Variants in PRRX2 observed in about 807,000 individuals in gnomAD.
PRRX2 encodes the protein paired mesoderm homeobox protein 2.
PRRX2 carries 11 observed loss-of-function variants against 18.0 expected under a neutral mutation model. That is an observed-to-expected ratio of 0.61 (90% CI 0.39 to 1.01). PRRX2 has a LOEUF of 1.01. Among genes scored for constraint, PRRX2 ranks in the 50% least tolerant of loss-of-function variants. PRRX2 has a pLI of 0.01. For synonymous variants in PRRX2, 177 were observed against 154.8 expected, an observed-to-expected ratio of 1.14 and a Z score of -1.06; for missense variants, 387 against 351.0, an observed-to-expected ratio of 1.10 and a Z score of -0.82.
At position 129,720,587 on chromosome 9, in the gene PRRX2, C is replaced by G; in HGVS notation, c.448-9C>G. ...CCATGCTGCACCCTGCTCACCCTCC[C>G]ACCCACAGGTCTGGTTTCAGAACCG... On this transcript the variant is annotated splice_polypyrimidine_tract_variant and intron_variant, in intron 2 of 3. Coordinates refer to ENST00000372469, the MANE Select transcript of PRRX2 (RefSeq NM_016307.4). 6.3e-7 allele frequency: 1 copy of G among 1,597,816 alleles called. No homozygotes were observed. The highest frequency in any genetic ancestry group is 8.5e-7 in the Non-Finnish European group (1 of 1,171,212).
chr9:129,718,388 C>G (rs759902084), intron 1 of PRRX2, among the ~76,000 whole-genome samples: 4 of 152,194 alleles, frequency 2.6e-5, no homozygotes, highest in Non-Finnish European at 5.9e-5. Context: ...CCCACACCTG[C>G]CCTGACCCAC....
chr9:129,683,766 C>T (rs921652788), intron 1 of PRRX2, among the ~76,000 whole-genome samples: 1 of 152,152 alleles, frequency 6.6e-6, no homozygotes, highest in Non-Finnish European at 1.5e-5. Context: ...AAGACACAGG[C>T]AGGTAATTTA....
chr9:129,717,902 T>C (rs1035613014), intron 1 of PRRX2, among the ~76,000 whole-genome samples: 1 of 152,094 alleles, frequency 6.6e-6, no homozygotes, highest in African/African-American at 2.4e-5. Flanking sequence ...CCGGCAGCAT[T>C]AGTTGATTCT....
Position 129,709,878 on chromosome 9 carries a change from G to A in PRRX2, c.260-9353G>A, listed in dbSNP as rs1333949369. ...GAGGGCGGGCTCTGCAGGCTCACCC[G>A]GCCCTTCCCATGCCTCCCCTTCACT... On this transcript the variant is annotated intron_variant, in intron 1 of 3. Coordinates refer to ENST00000372469, the MANE Select transcript of PRRX2 (RefSeq NM_016307.4). This position sits in a 1 kb window ranked among gnomAD's most constrained non-coding sequence, Gnocchi z 4.2. 1.3e-5 allele frequency among the ~76,000 whole-genome samples: 2 copies of A among 151,746 alleles called. No homozygotes were observed. Among genetic ancestry groups the A allele is most frequent in the South Asian group, 2.1e-4 (1 of 4,794 alleles).
intron 1 of PRRX2, chr9:129,712,911 A>AT (rs1217867505): frequency 6.6e-6 from 1 of 152,216 alleles, no homozygotes; most frequent in Non-Finnish European, 1.5e-5. Flanking sequence ...CTTAGAGAGT[A>AT]TTTATTTTAT....
In PRRX2 at chr9:129,719,544, G is replaced by T. The variant is rs929735103; in HGVS notation, c.447+126G>T. The T allele has an allele frequency of 1.7e-5, 21 of 1,224,002 alleles. No individual in the cohort carries two copies. The Admixed American group carries it at 5.1e-4, about 30-fold the overall frequency. The allele number at this position is 1,224,002 out of a possible 1,614,324, so 75.8% of individuals were successfully genotyped here. On this transcript the variant is annotated intron_variant, in intron 2 of 3. Coordinates refer to ENST00000372469, the MANE Select transcript of PRRX2 (RefSeq NM_016307.4). The stretch of plus-strand genomic sequence containing the variant: ...CAGGAGCATCTGAGGCCAGGAGGAC[G>T]GGGGTTCAGATCCCAGCCCTGCCAC...
intron 1 of PRRX2, among the ~76,000 whole-genome samples, chr9:129,691,322 C>T (rs769180463): frequency 6.6e-6 from 1 of 151,062 alleles, no homozygotes; most frequent in African/African-American, 2.4e-5. Flanking sequence ...CATGACAAAG[C>T]GACTCTGTCA....
chr9:129,667,388 C>T (rs1292680620), intron 1 of PRRX2, among the ~76,000 whole-genome samples: 4 of 152,186 alleles, frequency 2.6e-5, no homozygotes, highest in Admixed American at 6.5e-5. Flanking sequence ...AATGCCCTGC[C>T]GGCCCAAGGT....
At chr9:129,700,659 C>T (rs1176266347) in intron 1 of PRRX2, among the ~76,000 whole-genome samples, 1 of 151,410 alleles carries the variant, frequency 6.6e-6, no homozygotes, top group Admixed American at 6.6e-5. Flanking sequence ...AACCTGTCAC[C>T]CAGGCTGGAG....
chr9:129,700,792 A>AT (rs990492568), intron 1 of PRRX2, among the ~76,000 whole-genome samples: 1 of 150,404 alleles, frequency 6.6e-6, no homozygotes, highest in Non-Finnish European at 1.5e-5. Context: ...TAATGTTTTA[A>AT]TTTTTTGTAA....
chr9:129,674,103 T>C (rs1564144638), intron 1 of PRRX2, among the ~76,000 whole-genome samples: 1 of 152,020 alleles, frequency 6.6e-6, no homozygotes, highest in African/African-American at 2.4e-5. Context: ...TCGCACCAGA[T>C]CCTGGAAACA....
intron 1 of PRRX2, among the ~76,000 whole-genome samples, chr9:129,701,539 C>G (rs1832497259): frequency 6.6e-6 from 1 of 152,170 alleles, no homozygotes; most frequent in Admixed American, 6.5e-5. Context: ...CTGCAGGGGA[C>G]ACCAGTCACA....
intron 1 of PRRX2, among the ~76,000 whole-genome samples, chr9:129,670,562 A>C (rs36081160): frequency 0.06 from 9,126 of 151,952 alleles, 476 homozygotes; most frequent in East Asian, 0.18. Context: ...TTTAGTAGAG[A>C]CAGGGTCTTG....
intron 1 of PRRX2, among the ~76,000 whole-genome samples, chr9:129,690,707 T>C (rs1270981858): frequency 6.6e-6 from 1 of 151,536 alleles, no homozygotes; most frequent in East Asian, 2.0e-4. Context: ...GGGGTTTCAC[T>C]ATGTTGACCA....
intron 1 of PRRX2, among the ~76,000 whole-genome samples, chr9:129,677,589 C>T (rs1361318976): frequency 6.6e-6 from 1 of 152,228 alleles, no homozygotes; most frequent in African/African-American, 2.4e-5. Flanking sequence ...CCCATGCAGA[C>T]ACTGGGCCGT....
At chr9:129,700,186 T>C (rs370702278) in intron 1 of PRRX2, among the ~76,000 whole-genome samples, 3 of 152,192 alleles carry the variant, frequency 2.0e-5, no homozygotes, top group Non-Finnish European at 4.4e-5. Flanking sequence ...GTTATCCCCA[T>C]TTTCTGGATG....
At chr9:129,694,738 G>C (rs76483827) in intron 1 of PRRX2, among the ~76,000 whole-genome samples, 1 of 152,122 alleles carries the variant, frequency 6.6e-6, no homozygotes, top group Non-Finnish European at 1.5e-5. Flanking sequence ...TGGGTTTGCA[G>C]GTGTGAGGAT....
chr9:129,713,623 C>T (rs902879901), intron 1 of PRRX2, among the ~76,000 whole-genome samples: 22 of 151,492 alleles, frequency 1.5e-4, no homozygotes, highest in Non-Finnish European at 5.9e-5. Flanking sequence ...CGATTTCTTC[C>T]TTTTTTTTCT....
At chr9:129,719,444 G>T in intron 2 of PRRX2, 26 bp downstream of exon 2, 1 of 1,481,368 alleles carries the variant, frequency 6.8e-7, no homozygotes, top group Non-Finnish European at 9.0e-7. Flanking sequence ...CGGGCCTCCC[G>T]TGGGAGCGTG....
Sources: allele counts gnomAD v4.1 joint callset (sites outside exome capture counted in the v4.1 genomes callset), GRCh38; gene constraint gnomAD v4.1.1; non-coding constraint Gnocchi (gnomAD v3.1); transcripts MANE v1.5; gene names NCBI Gene and HGNC (gene_info 2026-07-23, HGNC 2026-07-21).